The following COMMD1 variants were observed in gnomAD, a reference collection of about 807,000 sequenced individuals.
The protein encoded by COMMD1 is copper metabolism domain containing 1.
Under a neutral mutation model 17.2 loss-of-function variants are expected in COMMD1, and 10 were observed. That is an observed-to-expected ratio of 0.58 (90% CI 0.36 to 0.99). The LOEUF (loss-of-function observed/expected upper bound fraction) is 0.99. Ranked by LOEUF, COMMD1 falls within the 50% of genes least tolerant of loss-of-function variation. The pLI is 0.01. For missense variants in COMMD1, 270 were observed against 231.8 expected (o/e 1.17, Z -1.07); for synonymous variants, 97 against 91.6 (o/e 1.06, Z -0.34).
At chr2:62,104,662 A>G (rs1188550268) in intron 2 of COMMD1, among the ~76,000 whole-genome samples, 4 of 151,416 alleles carry the variant, frequency 2.6e-5, no homozygotes, top group Non-Finnish European at 5.9e-5. Context: ...AAACAATAAC[A>G]ACAACAAACA....
At chr2:62,052,144 C>A (rs1329805577) in intron 2 of COMMD1, among the ~76,000 whole-genome samples, 1 of 152,098 alleles carries the variant, frequency 6.6e-6, no homozygotes, top group Non-Finnish European at 1.5e-5. Context: ...GCCAAATTAA[C>A]ACAGGCTTTA....
chr2:61,889,093 G>C (rs944251794), intron 1 of COMMD1, among the ~76,000 whole-genome samples: 4 of 150,942 alleles, frequency 2.7e-5, no homozygotes, highest in African/African-American at 9.7e-5. Flanking sequence ...AGTAGAGACA[G>C]GGTTTCACCA....
intron 1 of COMMD1, among the ~76,000 whole-genome samples, chr2:61,889,682 G>A (rs1669375326): frequency 6.6e-6 from 1 of 152,128 alleles, no homozygotes; most frequent in African/African-American, 2.4e-5. Context: ...TTGGAATGAG[G>A]CGAGGTTAGT....
At position 62,029,866 on chromosome 2, in the gene COMMD1, G is replaced by C. The variant is rs74397145; in HGVS notation, c.462+28884G>C. On this transcript the variant is annotated intron_variant, in intron 2 of 2. Coordinates refer to ENST00000311832, the MANE Select transcript of COMMD1 (RefSeq NM_152516.4). ...CCAAGCCCTTCGGCCCCAGTGGTTT[G>C]CTGAAAAATTACCGACAAGAAGCAG... Among the ~76,000 whole-genome samples the C allele has an allele frequency of 4.1e-4, 62 of 152,322 alleles. 3 individuals carry two copies. The East Asian group carries it at 0.012, about 29-fold the overall frequency.
chr2:61,900,885 CA>C (rs940673309), upstream of COMMD1, among the ~76,000 whole-genome samples: 1 of 151,744 alleles, frequency 6.6e-6, no homozygotes, highest in Admixed American at 6.6e-5. Flanking sequence ...CTAGTAATAT[CA>C]AAAAGTTTAA....
chr2:61,972,059 G>A (rs1013454753), intron 1 of COMMD1, among the ~76,000 whole-genome samples: 23 of 152,128 alleles, frequency 1.5e-4, no homozygotes, highest in African/African-American at 5.6e-4. Context: ...GGAGGCAGAG[G>A]TGGTGAACAG....
At chr2:62,014,806 C>T (rs1669390218) in intron 2 of COMMD1, among the ~76,000 whole-genome samples, 1 of 151,852 alleles carries the variant, frequency 6.6e-6, no homozygotes, top group African/African-American at 2.4e-5. Context: ...ACCTCATGAT[C>T]CACCCCCCTC....
intron 1 of COMMD1, among the ~76,000 whole-genome samples, chr2:61,910,649 G>C (rs970001812): frequency 1.3e-5 from 2 of 152,116 alleles, no homozygotes; most frequent in Non-Finnish European, 2.9e-5. Context: ...TAACCTTGTG[G>C]ATATGCTCAA....
intron 2 of COMMD1, among the ~76,000 whole-genome samples, chr2:62,064,500 T>C (rs1670970679): frequency 2.0e-5 from 3 of 152,172 alleles, no homozygotes; most frequent in Non-Finnish European, 4.4e-5. Flanking sequence ...TTCCTGTGTT[T>C]TATAATTTTT....
At chr2:62,006,592 T>C (rs2103819647) in intron 2 of COMMD1, among the ~76,000 whole-genome samples, 1 of 152,288 alleles carries the variant, frequency 6.6e-6, no homozygotes, top group East Asian at 1.9e-4. Flanking sequence ...CATGATTCAA[T>C]TGTAAAAACA....
chr2:62,023,582 C>G (rs753461360), intron 2 of COMMD1, among the ~76,000 whole-genome samples: 5 of 151,944 alleles, frequency 3.3e-5, no homozygotes, highest in Admixed American at 6.6e-5. Flanking sequence ...CTCCTGGGTT[C>G]AAGCGATTCT....
chr2:62,050,624 A>C (rs1331210333), intron 2 of COMMD1, among the ~76,000 whole-genome samples: 1 of 152,220 alleles, frequency 6.6e-6, no homozygotes, highest in Non-Finnish European at 1.5e-5. Context: ...TTTAAGGAAG[A>C]GGCTTGCTGA....
intron 2 of COMMD1, among the ~76,000 whole-genome samples, chr2:62,080,138 C>A (rs1671477092): frequency 6.6e-6 from 1 of 152,080 alleles, no homozygotes; most frequent in Non-Finnish European, 1.5e-5. Context: ...GAAGAATGTC[C>A]ACAAAGAAAA....
intron 1 of COMMD1, among the ~76,000 whole-genome samples, chr2:61,929,968 G>GT (rs1161938663): frequency 6.6e-6 from 1 of 151,824 alleles, no homozygotes; most frequent in African/African-American, 2.4e-5. Context: ...TTGTTCACCT[G>GT]TTTTTTATCA....
chr2:61,903,133 A>G (rs575283266), upstream of COMMD1, among the ~76,000 whole-genome samples: 1 of 152,286 alleles, frequency 6.6e-6, no homozygotes, highest in East Asian at 1.9e-4. Flanking sequence ...GAAAAGAAAT[A>G]TATTTTTTCT....
chr2:62,030,367 C>T (rs1669880408), intron 2 of COMMD1, among the ~76,000 whole-genome samples: 1 of 152,120 alleles, frequency 6.6e-6, no homozygotes, highest in Non-Finnish European at 1.5e-5. Flanking sequence ...GACAGGAGAG[C>T]AGAAGTCAGA....
intron 1 of COMMD1, among the ~76,000 whole-genome samples, chr2:61,979,670 A>G (rs913666917): frequency 6.6e-6 from 1 of 151,926 alleles, no homozygotes; most frequent in Non-Finnish European, 1.5e-5. Context: ...TTACCTTCCC[A>G]CCAACAGTGT....
chr2:62,112,420 A>G (rs1672479633), intron 2 of COMMD1, among the ~76,000 whole-genome samples: 1 of 152,362 alleles, frequency 6.6e-6, no homozygotes, highest in African/African-American at 2.4e-5. Flanking sequence ...CTCCGGAACA[A>G]TGTCAGGCCC....
At chr2:61,968,259 A>G (rs1284128172) in intron 1 of COMMD1, among the ~76,000 whole-genome samples, 1 of 152,218 alleles carries the variant, frequency 6.6e-6, no homozygotes, top group East Asian at 1.9e-4. Context: ...ATTTGAAATT[A>G]GCATACTTGT....
Sources: allele counts gnomAD v4.1 joint callset (sites outside exome capture counted in the v4.1 genomes callset), GRCh38; gene constraint gnomAD v4.1.1; transcripts MANE v1.5; gene names NCBI Gene and HGNC (gene_info 2026-07-23, HGNC 2026-07-21).